Variants in TMEM181 observed in about 807,000 individuals in gnomAD.
TMEM181 encodes G protein-coupled receptor 178.
TMEM181 carries 39 observed loss-of-function variants against 71.9 expected under a neutral mutation model. That is an observed-to-expected ratio of 0.54 (90% CI 0.42 to 0.71). TMEM181 has a LOEUF of 0.71. Among genes scored for constraint, TMEM181 ranks in the 30% least tolerant of loss-of-function variants. TMEM181 has a pLI of 0.00. For missense variants in TMEM181, 595 were observed against 583.0 expected, an observed-to-expected ratio of 1.02 and a Z score of -0.21; for synonymous variants, 245 against 228.8, an observed-to-expected ratio of 1.07 and a Z score of -0.64.
chr6:158,582,480 C>T (rs1049955924), intron 3 of TMEM181, among the ~76,000 whole-genome samples: 1 of 152,082 alleles, frequency 6.6e-6, no homozygotes, highest in Non-Finnish European at 1.5e-5. Context: ...GCCTGGGCAG[C>T]ATAGGGAGAC....
At chr6:158,567,910 C>T (rs1270405527) in intron 1 of TMEM181, among the ~76,000 whole-genome samples, 1 of 151,988 alleles carries the variant, frequency 6.6e-6, no homozygotes, top group East Asian at 1.9e-4. Flanking sequence ...ATCTCGGGGA[C>T]TTTGAAAGGC....
chr6:158,600,407 C>T (rs1784604429), intron 6 of TMEM181, among the ~76,000 whole-genome samples: 1 of 151,178 alleles, frequency 6.6e-6, no homozygotes, highest in Non-Finnish European at 1.5e-5. Context: ...GCATCGGCCT[C>T]CCGAAGTGCT....
chr6:158,625,296 C>G, intron 12 of TMEM181, 90 bp downstream of exon 12: 1 of 1,158,124 alleles, frequency 8.6e-7, no homozygotes, highest in Non-Finnish European at 1.3e-6. Flanking sequence ...AGCCAGGGGC[C>G]TTCCTTGAGG....
intron 10 of TMEM181, among the ~76,000 whole-genome samples, 171 bp downstream of exon 10, chr6:158,608,921 C>A (rs6455595): frequency 0.44 from 66,239 of 151,776 alleles, 14,817 homozygotes; most frequent in East Asian, 0.61. Flanking sequence ...AACATGGTGA[C>A]ACCCCGTCTC....
intron 1 of TMEM181, among the ~76,000 whole-genome samples, chr6:158,563,546 G>T (rs1782308945): frequency 6.6e-6 from 1 of 152,218 alleles, no homozygotes; most frequent in Admixed American, 6.5e-5. Context: ...CCACCAGGCT[G>T]CACTGCCTGG....
intron 5 of TMEM181, 118 bp from the exon 6 acceptor site, chr6:158,589,554 G>T (rs753628792): frequency 2.6e-5 from 19 of 721,670 alleles, no homozygotes; most frequent in Admixed American, 4.6e-5. Flanking sequence ...CTTTTGGCGA[G>T]TTCCCTGGAG....
At chr6:158,573,224 G>A (rs968346204) in intron 1 of TMEM181, among the ~76,000 whole-genome samples, 196 bp from the exon 2 acceptor site, 1 of 152,180 alleles carries the variant, frequency 6.6e-6, no homozygotes, top group Non-Finnish European at 1.5e-5. Flanking sequence ...GTGCAGGAAC[G>A]CGCAGCTCCT....
intron 1 of TMEM181, among the ~76,000 whole-genome samples, chr6:158,563,281 T>G (rs913528156): frequency 2.6e-5 from 4 of 152,072 alleles, no homozygotes; most frequent in Admixed American, 2.6e-4. Flanking sequence ...GTAGCTGGGC[T>G]TACAGGCAAG....
chr6:158,611,372 A>G, intron 10 of TMEM181: 1 of 531,758 alleles, frequency 1.9e-6, no homozygotes, highest in Non-Finnish European at 3.8e-6. Flanking sequence ...TTCGGCATTG[A>G]TTTCCCTGGA....
chr6:158,550,242 A>G (rs1397923402), intron 1 of TMEM181, among the ~76,000 whole-genome samples: 1 of 151,648 alleles, frequency 6.6e-6, no homozygotes, highest in South Asian at 2.1e-4. Flanking sequence ...ACAGGGTTTC[A>G]CCATGTTGGT....
intron 6 of TMEM181, among the ~76,000 whole-genome samples, chr6:158,602,964 T>C (rs1478783490): frequency 2.0e-5 from 3 of 152,216 alleles, no homozygotes; most frequent in Admixed American, 6.5e-5. Context: ...ACCTTATCTT[T>C]GTCCTTATCT....
upstream of TMEM181, among the ~76,000 whole-genome samples, chr6:158,557,889 C>T (rs1158195132): frequency 2.0e-5 from 3 of 152,202 alleles, no homozygotes; most frequent in Admixed American, 6.5e-5. Flanking sequence ...TCTGTCTATT[C>T]GTGTTGTGTT....
chr6:158,596,481 G>C (rs1469690730), intron 6 of TMEM181, among the ~76,000 whole-genome samples: 1 of 152,172 alleles, frequency 6.6e-6, no homozygotes, highest in Admixed American at 6.5e-5. Context: ...CACCGAGCCT[G>C]GTGGTGCCCT....
At chr6:158,597,929 T>C (rs1484049674) in intron 6 of TMEM181, among the ~76,000 whole-genome samples, 7 of 152,166 alleles carry the variant, frequency 4.6e-5, no homozygotes, top group Non-Finnish European at 8.8e-5. Flanking sequence ...AACATGAAAT[T>C]TGGAGGGGAC....
intron 5 of TMEM181, among the ~76,000 whole-genome samples, chr6:158,587,441 G>A (rs1049703173): frequency 2.6e-5 from 4 of 151,794 alleles, no homozygotes; most frequent in Non-Finnish European, 5.9e-5. Context: ...GCATTGCCCT[G>A]GCTTTAAAAA....
chr6:158,546,454 C>T lies in TMEM181; in HGVS notation c.131+9589C>T, dbSNP rs549773163. On this transcript the variant is annotated intron_variant, in intron 1 of 16. Transcript: ENST00000367090. Reference sequence around the variant, plus strand: ...ATGACGAGAATACAGGGATCATTCACAGACCAAAGGGCAAAAATAGAACTG... The same window carrying T: ...ATGACGAGAATACAGGGATCATTCATAGACCAAAGGGCAAAAATAGAACTG... Among the ~76,000 whole-genome samples the T allele has an allele frequency of 2.6e-5, 4 of 152,320 alleles. No homozygotes were observed. The East Asian group carries it at 7.7e-4, about 29-fold the overall frequency.
At chr6:158,596,903 A>G (rs1321574759) in intron 6 of TMEM181, among the ~76,000 whole-genome samples, 2 of 152,198 alleles carry the variant, frequency 1.3e-5, no homozygotes, top group Non-Finnish European at 1.5e-5. Context: ...GGTCCCTCCC[A>G]CAACACATGG....
At chr6:158,582,226 T>C (rs960427798) in intron 3 of TMEM181, among the ~76,000 whole-genome samples, 4 of 152,170 alleles carry the variant, frequency 2.6e-5, no homozygotes, top group Non-Finnish European at 5.9e-5. Context: ...GCTTTCCTGA[T>C]AGTAGTTCAT....
At chr6:158,569,573 G>A (rs114026893) in intron 1 of TMEM181, among the ~76,000 whole-genome samples, 3,526 of 152,062 alleles carry the variant, frequency 0.023, 149 homozygotes, top group African/African-American at 0.081. Context: ...TGCCTGGGGC[G>A]GGTTGTGCCC....
Sources: allele counts gnomAD v4.1 joint callset (sites outside exome capture counted in the v4.1 genomes callset), GRCh38; gene constraint gnomAD v4.1.1; transcripts MANE v1.5; gene names NCBI Gene and HGNC (gene_info 2026-07-23, HGNC 2026-07-21).